Variants in MS4A10 observed in about 807,000 individuals in gnomAD.
The protein encoded by MS4A10 is membrane spanning 4-domains A10.
MS4A10 carries 27 observed loss-of-function variants against 27.7 expected under a neutral mutation model. The observed-to-expected ratio is 0.98, with a 90% CI of 0.72 to 1.35. The LOEUF is 1.35. Among genes scored for constraint, MS4A10 ranks in the 40% most tolerant of loss-of-function variants. The pLI is 0.00. For missense variants in MS4A10, 338 were observed against 324.7 expected, an observed-to-expected ratio of 1.04 and a Z score of -0.32; for synonymous variants, 139 against 131.2, an observed-to-expected ratio of 1.06 and a Z score of -0.41.
At chr11:60,797,848 A>G (rs1164298494) in intron 6 of MS4A10, among the ~76,000 whole-genome samples, 2 of 152,190 alleles carry the variant, frequency 1.3e-5, no homozygotes, top group African/African-American at 2.4e-5. Flanking sequence ...ACCTTAGAAG[A>G]GTTACGTGAC....
intron 4 of MS4A10, among the ~76,000 whole-genome samples, chr11:60,792,587 A>G (rs1364121872): frequency 6.6e-6 from 1 of 152,098 alleles, no homozygotes; most frequent in Non-Finnish European, 1.5e-5. Flanking sequence ...GCTCCCAGGC[A>G]CCCTGACCCA....
chr11:60,794,573 C>G (rs1418201667), intron 5 of MS4A10, among the ~76,000 whole-genome samples: 1 of 152,202 alleles, frequency 6.6e-6, no homozygotes, highest in Admixed American at 6.5e-5. Flanking sequence ...GGGTCTTTGA[C>G]TCCAAGCCTG....
chr11:60,785,497 T>G (rs1004882773), intron 1 of MS4A10, 76 bp downstream of exon 1: 3 of 152,226 alleles, frequency 2.0e-5, no homozygotes, highest in African/African-American at 7.2e-5. Flanking sequence ...GTTGCTCAGG[T>G]GTACAGACCT....
chr11:60,792,339 G>C lies in MS4A10; in HGVS notation c.360+18G>C, dbSNP rs760658718. The C allele has an allele frequency of 1.9e-6, 3 of 1,554,730 alleles. No homozygotes were observed. The highest frequency in any genetic ancestry group is 1.8e-6 in the Non-Finnish European group (2 of 1,125,810). The stretch of plus-strand genomic sequence containing the variant: ...CTTACCTGGTGAGTGGGCACACTGA[G>C]ATCATTCTCTTCCATCTGAGCATGG... On this transcript the variant is annotated intron_variant, in intron 4 of 7. Coordinates refer to ENST00000308287, the MANE Select transcript of MS4A10 (RefSeq NM_206893.4).
At position 60,790,985 on chromosome 11, in the gene MS4A10, C is replaced by T. The variant is rs1451614240; in HGVS notation, c.195C>T (p.Ile65=). ...TCTTCCCCACCCAGGCCTTCCACAT[C>T]ACCATCGCTCTGCTGCACCTGGTCT... The part of the protein sequence containing the change: ...SLLKELGAFH[I]TIALLHLVFG... Residue 65 remains isoleucine (I), a synonymous_variant, in exon 3 of 8, where the codon ATC becomes ATT. Coordinates refer to ENST00000308287, the MANE Select transcript of MS4A10 (RefSeq NM_206893.4). 5.0e-6 allele frequency: 8 copies of T among 1,614,188 alleles called. No individual in the cohort carries two copies. Among genetic ancestry groups the T allele is most frequent in the Non-Finnish European group, 6.8e-6 (8 of 1,180,028 alleles).
chr11:60,799,274 G>A (rs1565084303), intron 7 of MS4A10, among the ~76,000 whole-genome samples: 1 of 152,172 alleles, frequency 6.6e-6, no homozygotes, highest in East Asian at 1.9e-4. Context: ...ACCTACTTGT[G>A]CTAAGTAAAT....
chr11:60,791,088 GC>G lies in MS4A10; in HGVS notation c.300del (p.Ser101LeufsTer10). The G allele has an allele frequency of 6.2e-7, 1 of 1,613,990 alleles. No homozygotes were observed. Among genetic ancestry groups the G allele is most frequent in the Non-Finnish European group, 8.5e-7 (1 of 1,179,970 alleles). The stretch of plus-strand genomic sequence containing the variant: ...GTCTTGGTATCCATTCTGGGGGGCT[GC>G]CTCTGTGAGTAGAAGGCAAAACACA... The part of the protein sequence containing the change: ...LKSWYPFWGA[A>X]SFLISGILAI... On this transcript the variant is annotated frameshift_variant, in exon 3 of 8. Coordinates refer to ENST00000308287, the MANE Select transcript of MS4A10 (RefSeq NM_206893.4). LOFTEE classifies it high-confidence loss of function.
intron 1 of MS4A10, among the ~76,000 whole-genome samples, chr11:60,789,834 C>T (rs554904644): frequency 1.3e-5 from 2 of 152,184 alleles, no homozygotes; most frequent in African/African-American, 4.8e-5. Context: ...AAAAAGTCCT[C>T]GGTGGAAGAT....
chr11:60,791,006 G>C lies in MS4A10; in HGVS notation c.216G>C (p.Leu72=). 6 of 1,614,168 alleles carry C rather than the reference G, an allele frequency of 3.7e-6. No homozygotes were observed. The highest frequency in any genetic ancestry group is 5.1e-6 in the Non-Finnish European group (6 of 1,180,022). ...ACATCACCATCGCTCTGCTGCACCT[G>C]GTCTTTGGGGGCTACCTGGCCTCTA... The part of the protein sequence containing the change: ...AFHITIALLH[L]VFGGYLASIV... Residue 72 remains leucine (L), a synonymous_variant, in exon 3 of 8, where the codon CTG becomes CTC. Coordinates refer to ENST00000308287, the MANE Select transcript of MS4A10 (RefSeq NM_206893.4).
rs1040715354 is a variant in MS4A10, at chr11:60,789,083, G to T, written c.-22-1231G>T. ...ACCCAATCCAGGATATAGTCACCTGGGCTATTTGTCCCTCCAAACTTCCCA... is the reference window on the plus strand; with the variant it reads ...ACCCAATCCAGGATATAGTCACCTGTGCTATTTGTCCCTCCAAACTTCCCA... On this transcript the variant is annotated intron_variant, in intron 1 of 7. Coordinates refer to ENST00000308287, the MANE Select transcript of MS4A10 (RefSeq NM_206893.4). Among the ~76,000 whole-genome samples the T allele has an allele frequency of 5.3e-5, 8 of 152,152 alleles. No homozygotes were observed. The South Asian group carries it at 1.7e-3, about 32-fold the overall frequency.
intron 2 of MS4A10, 35 bp from the exon 3 acceptor site, chr11:60,790,939 G>T (rs754047839): frequency 6.2e-7 from 1 of 1,612,224 alleles, no homozygotes; most frequent in South Asian, 1.1e-5. Context: ...AGTGACCGAT[G>T]CCCTCACCCC....
chr11:60,790,933 A>G (rs768100429), intron 2 of MS4A10, 41 bp from the exon 3 acceptor site: 1 of 1,610,644 alleles, frequency 6.2e-7, no homozygotes, highest in South Asian at 1.1e-5. Flanking sequence ...AGAGCCAGTG[A>G]CCGATGCCCT....
Position 60,790,344 on chromosome 11 carries a change from A to G in MS4A10, c.9A>G (p.Ala3=). The stretch of plus-strand genomic sequence containing the variant: ...GCCCCCATCCAGCATCAATGAAAGC[A>G]GAAGCCACAGTTATTCCCAGCCGTT... MK[A]EATVIPSRCA... is the part of the protein sequence containing the mutation. The change falls in exon 2 of 8, where the codon GCA becomes GCG. Residue 3 remains alanine (A), a synonymous_variant. Transcript: ENST00000308287. The G allele has an allele frequency of 6.2e-7, 1 of 1,614,062 alleles. No homozygotes were observed. The highest frequency in any genetic ancestry group is 8.5e-7 in the Non-Finnish European group (1 of 1,179,964).
At chr11:60,796,897 T>C (rs966814323) in intron 6 of MS4A10, among the ~76,000 whole-genome samples, 4 of 152,148 alleles carry the variant, frequency 2.6e-5, no homozygotes, top group African/African-American at 9.7e-5. Flanking sequence ...TAAGGCTCAT[T>C]TCTTTAAAGA....
intron 6 of MS4A10, among the ~76,000 whole-genome samples, chr11:60,795,920 G>T (rs1044743529): frequency 5.3e-5 from 8 of 152,114 alleles, no homozygotes; most frequent in African/African-American, 1.9e-4. Context: ...AGAACAAGAG[G>T]CTACTGTGCT....
In MS4A10 at chr11:60,791,104, G is replaced by A; in HGVS notation, c.303+11G>A. On this transcript the variant is annotated intron_variant, in intron 3 of 7. Transcript: ENST00000308287. ...TGGGGGGCTGCCTCTGTGAGTAGAA[G>A]GCAAAACACAGACCGGGTGTGGGAG... 6.2e-7 allele frequency: 1 copy of A among 1,613,682 alleles called. No homozygotes were observed. Among genetic ancestry groups the A allele is most frequent in the Non-Finnish European group, 8.5e-7 (1 of 1,179,886 alleles).
At chr11:60,791,208 C>T in intron 3 of MS4A10, 115 bp downstream of exon 3, 1 of 1,358,264 alleles carries the variant, frequency 7.4e-7, no homozygotes. Flanking sequence ...AGGAGTGCGG[C>T]AGAAGCGAGG....
At chr11:60,792,450 G>T in intron 4 of MS4A10, 129 bp downstream of exon 4, 1 of 703,994 alleles carries the variant, frequency 1.4e-6, no homozygotes, top group South Asian at 1.6e-5. Flanking sequence ...CTTGCCTTCA[G>T]GACAGCAGAG....
chr11:60,789,458 G>A (rs1025463572), intron 1 of MS4A10, among the ~76,000 whole-genome samples: 18 of 152,310 alleles, frequency 1.2e-4, no homozygotes, highest in African/African-American at 2.4e-4. Context: ...TCTGCAGGTC[G>A]TGTGTCCAGC....
Sources: allele counts gnomAD v4.1 joint callset (sites outside exome capture counted in the v4.1 genomes callset), GRCh38; gene constraint gnomAD v4.1.1; transcripts MANE v1.5; gene names NCBI Gene and HGNC (gene_info 2026-07-23, HGNC 2026-07-21).